AGBL4: variants seen among roughly 807,000 people sequenced by gnomAD.
The protein encoded by AGBL4 is cytosolic carboxypeptidase 6.
Under a neutral mutation model 66.4 loss-of-function variants are expected in AGBL4, and 58 were observed. That is an observed-to-expected ratio of 0.87 (90% confidence interval 0.71 to 1.09). The LOEUF (loss-of-function observed/expected upper bound fraction) is 1.09, where lower values mean the gene tolerates loss of function less well. Ranked by LOEUF, AGBL4 falls within the 50% of genes least tolerant of loss-of-function variation. The pLI, the probability that AGBL4 is intolerant of heterozygous loss-of-function variation, is 0.00. For missense variants in AGBL4, 579 were observed against 631.0 expected (o/e 0.92, Z 0.88); for synonymous variants, 234 against 222.9 (o/e 1.05, Z -0.44).
chr1:49,325,090 T>C (rs1570437932), intron 3 of AGBL4, among the ~76,000 whole-genome samples: 1 of 152,208 alleles, frequency 6.6e-6, no homozygotes, highest in Non-Finnish European at 1.5e-5. Flanking sequence ...TGGCACAATC[T>C]TGGCTCACTG....
intron 3 of AGBL4, among the ~76,000 whole-genome samples, chr1:49,350,198 T>G (rs77582084): frequency 6.6e-6 from 1 of 151,096 alleles, no homozygotes; most frequent in Non-Finnish European, 1.5e-5. Flanking sequence ...TTTTTTTTTT[T>G]GTTTTGTTTT....
intron 5 of AGBL4, among the ~76,000 whole-genome samples, chr1:49,031,703 G>A (rs972894355): frequency 5.9e-5 from 9 of 152,074 alleles, no homozygotes; most frequent in Admixed American, 2.0e-4. Context: ...CTCTGGCAGT[G>A]GTGTAGAGGT....
At chr1:48,783,334 T>G (rs1645340377) in intron 6 of AGBL4, among the ~76,000 whole-genome samples, 1 of 152,124 alleles carries the variant, frequency 6.6e-6, no homozygotes, top group Admixed American at 6.5e-5. Flanking sequence ...TGATTGAGTC[T>G]GCTTGTGGGA....
In AGBL4 at chr1:49,912,798, C is replaced by A. The variant is rs1650990156; in HGVS notation, c.35-61280G>T. ...GTAGGCTGCAAAGTCCAAGAACATGCCACATCTGGTGAGGATAATTCCACA... is the reference window on the plus strand; with the variant it reads ...GTAGGCTGCAAAGTCCAAGAACATGACACATCTGGTGAGGATAATTCCACA... On this transcript the variant is annotated intron_variant, in intron 1 of 13. Transcript: ENST00000371839. 2.6e-5 allele frequency among the ~76,000 whole-genome samples: 4 copies of A among 152,198 alleles called. No homozygotes were observed. In the South Asian group the frequency reaches 8.3e-4, roughly 32 times the overall value.
chr1:49,503,006 G>A (rs768311376), intron 3 of AGBL4, among the ~76,000 whole-genome samples: 28 of 152,088 alleles, frequency 1.8e-4, no homozygotes, highest in Non-Finnish European at 2.6e-4. Flanking sequence ...ATGCTTCCAG[G>A]GCATGTCACA....
chr1:49,593,279 C>T (rs1054226312), intron 3 of AGBL4, among the ~76,000 whole-genome samples: 2 of 151,928 alleles, frequency 1.3e-5, no homozygotes, highest in African/African-American at 2.4e-5. Context: ...TGGTGGCAGG[C>T]GCCTGTAGTC....
chr1:49,998,311 T>C (rs1487800058), intron 1 of AGBL4, among the ~76,000 whole-genome samples: 6 of 152,126 alleles, frequency 3.9e-5, no homozygotes, highest in African/African-American at 1.2e-4. Context: ...TGAACACTTT[T>C]ATGTGTACAA....
intron 2 of AGBL4, among the ~76,000 whole-genome samples, chr1:49,785,340 A>C (rs1333150019): frequency 6.6e-6 from 1 of 152,084 alleles, no homozygotes; most frequent in Non-Finnish European, 1.5e-5. Context: ...TTCTCTCTAC[A>C]AAAAAATGAC....
intron 7 of AGBL4, among the ~76,000 whole-genome samples, chr1:48,661,196 C>T (rs1570166824): frequency 6.6e-6 from 1 of 152,128 alleles, no homozygotes; most frequent in Non-Finnish European, 1.5e-5. Context: ...AGATGATGGC[C>T]ATCTTTAGAT....
chr1:48,886,513 T>C (rs1011629054), intron 5 of AGBL4, among the ~76,000 whole-genome samples: 1 of 152,116 alleles, frequency 6.6e-6, no homozygotes, highest in African/African-American at 2.4e-5. Flanking sequence ...TCCGGGAGCA[T>C]CATTGGGCAG....
intron 6 of AGBL4, among the ~76,000 whole-genome samples, chr1:48,789,298 T>A (rs535566887): frequency 0.012 from 1,614 of 139,458 alleles, 16 homozygotes; most frequent in African/African-American, 0.025. Flanking sequence ...ATATATATTT[T>A]TTTTTTTTGA....
At chr1:49,427,014 G>A (rs145674304) in intron 3 of AGBL4, among the ~76,000 whole-genome samples, 34 of 152,222 alleles carry the variant, frequency 2.2e-4, no homozygotes, top group Middle Eastern at 3.4e-3. Flanking sequence ...CTTTCCTCTC[G>A]TGAGCTTACA....
At chr1:49,703,317 A>T (rs1647135838) in intron 2 of AGBL4, among the ~76,000 whole-genome samples, 1 of 152,082 alleles carries the variant, frequency 6.6e-6, no homozygotes, top group South Asian at 2.1e-4. Flanking sequence ...AAATAAAATA[A>T]TTCCATTTAC....
intron 6 of AGBL4, among the ~76,000 whole-genome samples, chr1:48,825,201 G>A (rs1244593420): frequency 6.6e-6 from 1 of 152,086 alleles, no homozygotes. Flanking sequence ...TCCTATTTTG[G>A]GAATTGCTGC....
chr1:49,893,611 G>A (rs1648872872), intron 1 of AGBL4, among the ~76,000 whole-genome samples: 1 of 152,180 alleles, frequency 6.6e-6, no homozygotes, highest in African/African-American at 2.4e-5. Context: ...TATGGTAGTG[G>A]TAATCAAGAA....
chr1:49,070,784 T>C (rs1000066128), intron 4 of AGBL4, among the ~76,000 whole-genome samples: 4 of 152,020 alleles, frequency 2.6e-5, no homozygotes, highest in African/African-American at 9.7e-5. Context: ...TTTCGGTTGA[T>C]TGGAATTGTT....
Position 48,881,835 on chromosome 1 carries a change from G to C in AGBL4, c.595-14605C>G, listed in dbSNP as rs536584842. 5.9e-5 allele frequency among the ~76,000 whole-genome samples: 9 copies of C among 152,232 alleles called. No individual in the cohort carries two copies. The South Asian group carries it at 1.9e-3, about 32-fold the overall frequency. On this transcript the variant is annotated intron_variant, in intron 5 of 13. Coordinates refer to ENST00000371839, the MANE Select transcript of AGBL4 (RefSeq NM_032785.4). ...TCCTAGATGCTGGAGAGGATAGAAGGGTCCCAGGACCTACTCTACTTAGGA... is the reference window on the plus strand; with the variant it reads ...TCCTAGATGCTGGAGAGGATAGAAGCGTCCCAGGACCTACTCTACTTAGGA...
chr1:49,028,542 T>C (rs935033489), intron 5 of AGBL4, among the ~76,000 whole-genome samples: 2 of 152,126 alleles, frequency 1.3e-5, no homozygotes, highest in African/African-American at 4.8e-5. Context: ...GATGAAAGCT[T>C]AGCACAAAGA....
At chr1:48,701,859 CATAA>C (rs1308302102) in intron 6 of AGBL4, among the ~76,000 whole-genome samples, 5 of 151,988 alleles carry the variant, frequency 3.3e-5, no homozygotes, top group African/African-American at 1.2e-4. Flanking sequence ...AGGAAATAGA[CATAA>C]ATGAATGAAT....
Sources: gnomAD v4.1 joint callset for allele counts (sites outside exome capture counted in the v4.1 genomes callset) on GRCh38, gnomAD v4.1.1 for gene constraint, MANE v1.5 for transcripts, NCBI Gene and HGNC (gene_info 2026-07-23, HGNC 2026-07-21) for gene names.